The following GALNT9 variants were observed in gnomAD, a reference collection of about 807,000 sequenced individuals.
GALNT9 encodes the protein polypeptide N-acetylgalactosaminyltransferase 9.
In GALNT9, 47 loss-of-function variants were observed where a neutral mutation model predicts 63.1. The ratio of observed to expected loss-of-function variants is 0.75; its 90% confidence interval spans 0.59 to 0.95. GALNT9 has a LOEUF of 0.95. GALNT9 is among the 40% of genes least tolerant of loss of function. The pLI, the probability that GALNT9 is intolerant of heterozygous loss-of-function variation, is 0.00. For synonymous variants in GALNT9, 396 were observed against 365.7 expected (o/e 1.08, Z -0.94); for missense variants, 829 against 874.8 (o/e 0.95, Z 0.66).
At chr12:132,322,898 T>C (rs1868869329) in intron 1 of GALNT9, among the ~76,000 whole-genome samples, 1 of 152,232 alleles carries the variant, frequency 6.6e-6, no homozygotes. Context: ...GTCCGCTTGC[T>C]GAGTGGCGGG....
At chr12:132,251,224 G>T (rs887290089) in intron 5 of GALNT9, among the ~76,000 whole-genome samples, 2 of 152,112 alleles carry the variant, frequency 1.3e-5, no homozygotes, top group Non-Finnish European at 2.9e-5. Context: ...TATGAATTTC[G>T]ATCGATACAA....
chr12:132,254,298 C>T (rs1566000894), intron 5 of GALNT9, among the ~76,000 whole-genome samples: 2 of 152,346 alleles, frequency 1.3e-5, no homozygotes, highest in Middle Eastern at 3.4e-3. Flanking sequence ...GCGTAAGCCA[C>T]TGCACCCGGC....
chr12:132,223,228 C>CA (rs1877543845), intron 6 of GALNT9, among the ~76,000 whole-genome samples: 2 of 112,140 alleles, frequency 1.8e-5, no homozygotes, highest in African/African-American at 3.5e-5. Context: ...ACCCCAGACA[C>CA]CCCACACAAC....
chr12:132,286,699 A>G lies in GALNT9; in HGVS notation c.239-269T>C, dbSNP rs1880608928. Among the ~76,000 whole-genome samples the G allele has an allele frequency of 6.6e-6, 1 of 152,128 alleles. No individual in the cohort carries two copies. The highest frequency in any genetic ancestry group is 2.4e-5 in the African/African-American group (1 of 41,438). On this transcript the variant is annotated intron_variant, in intron 1 of 10. Transcript: ENST00000328957. This position sits in a 1 kb window ranked among gnomAD's most constrained non-coding sequence, Gnocchi z 7.4. ...GCAGTGGACTCTGTGTGATGCTGCAATGGTGGATATCTGTTATTATTATGT... is the reference window on the plus strand; with the variant it reads ...GCAGTGGACTCTGTGTGATGCTGCAGTGGTGGATATCTGTTATTATTATGT...
intron 1 of GALNT9, among the ~76,000 whole-genome samples, chr12:132,318,519 C>T (rs1016298275): frequency 6.6e-6 from 1 of 152,250 alleles, no homozygotes; most frequent in Non-Finnish European, 1.5e-5. Context: ...GCCTCAGGGC[C>T]TCACAGGCAG....
intron 1 of GALNT9, among the ~76,000 whole-genome samples, chr12:132,318,998 G>A (rs1566023869): frequency 6.6e-6 from 1 of 152,220 alleles, no homozygotes; most frequent in Non-Finnish European, 1.5e-5. Context: ...GCAGCTGCAC[G>A]GGTCCTTTGG....
chr12:132,259,986 T>C (rs907782486), intron 4 of GALNT9, among the ~76,000 whole-genome samples: 1 of 113,694 alleles, frequency 8.8e-6, no homozygotes, highest in Non-Finnish European at 2.2e-5. Context: ...GCGCGGGGCC[T>C]GCCTGGGTGC....
At chr12:132,269,739 G>A (rs1413120191) in intron 2 of GALNT9, among the ~76,000 whole-genome samples, 1 of 152,270 alleles carries the variant, frequency 6.6e-6, no homozygotes, top group Non-Finnish European at 1.5e-5. Context: ...TCAGACGCGT[G>A]GGGCCGGATC....
chr12:132,263,794 C>G (rs1022720612), intron 2 of GALNT9, among the ~76,000 whole-genome samples: 31 of 152,312 alleles, frequency 2.0e-4, no homozygotes, highest in Middle Eastern at 3.4e-3. Context: ...CGGCTGGGCC[C>G]GTGAAGTACT....
chr12:132,208,668 G>A (rs1876827963), intron 6 of GALNT9, among the ~76,000 whole-genome samples: 1 of 152,176 alleles, frequency 6.6e-6, no homozygotes, highest in Non-Finnish European at 1.5e-5. Context: ...CCTGGCTGCT[G>A]ACTGCCGGCA....
At position 132,196,806 on chromosome 12, in the gene GALNT9, G is replaced by A. The variant is rs573210040; in HGVS notation, c.*301C>T. On this transcript the variant is annotated 3_prime_UTR_variant, in exon 11 of 11. Transcript: ENST00000328957. ...GGGGGGCTGTGGTACATGCAGAGGCGGCGGCTGTCCCAGCAGCCTGGCCAG... is the reference window on the plus strand; with the variant it reads ...GGGGGGCTGTGGTACATGCAGAGGCAGCGGCTGTCCCAGCAGCCTGGCCAG... 26 of 1,165,804 alleles carry A rather than the reference G, an allele frequency of 2.2e-5. No homozygotes were observed. Among genetic ancestry groups the A allele is most frequent in the African/African-American group, 6.4e-5 (4 of 62,366 alleles). 72.2% of individuals were successfully genotyped at this position (1,165,804 alleles called of 1,614,324 possible).
At position 132,196,822 on chromosome 12, in the gene GALNT9, G is replaced by C. The variant is rs544857203; in HGVS notation, c.*285C>G. On this transcript the variant is annotated 3_prime_UTR_variant, in exon 11 of 11. Coordinates refer to ENST00000328957, the MANE Select transcript of GALNT9 (RefSeq NM_001122636.2). ...TGCAGAGGCGGCGGCTGTCCCAGCA[G>C]CCTGGCCAGGAGATACCGTGGAGAA... The C allele has an allele frequency of 1.7e-6, 2 of 1,208,968 alleles. No homozygotes were observed. The highest frequency in any genetic ancestry group is 3.1e-5 in the African/African-American group (2 of 63,724). The allele number at this position is 1,208,968 out of a possible 1,614,324, so 74.9% of individuals were successfully genotyped here.
At chr12:132,306,421 C>A (rs528549540) in intron 1 of GALNT9, among the ~76,000 whole-genome samples, 1 of 152,342 alleles carries the variant, frequency 6.6e-6, no homozygotes, top group Admixed American at 6.5e-5. Context: ...CGGAGCCATG[C>A]AGAGAGGCCT....
At chr12:132,251,408 G>C (rs1593085380) in intron 5 of GALNT9, among the ~76,000 whole-genome samples, 1 of 152,182 alleles carries the variant, frequency 6.6e-6, no homozygotes, top group Non-Finnish European at 1.5e-5. Context: ...CTGCGTCTTG[G>C]GGGGCTCCCG....
At chr12:132,226,112 T>C (rs1468913355) in intron 6 of GALNT9, among the ~76,000 whole-genome samples, 4 of 61,550 alleles carry the variant, frequency 6.5e-5, no homozygotes, top group South Asian at 6.2e-4. Context: ...CCTACACACA[T>C]ACATCCCACA....
intron 6 of GALNT9, among the ~76,000 whole-genome samples, chr12:132,243,365 A>C (rs2136905256): frequency 1.5e-4 from 14 of 96,540 alleles, no homozygotes; most frequent in Non-Finnish European, 2.9e-4. Flanking sequence ...CAGTGGCCTC[A>C]GTGTCCAGTC....
chr12:132,287,397 C>T (rs1423598512), intron 1 of GALNT9, among the ~76,000 whole-genome samples: 4 of 152,206 alleles, frequency 2.6e-5, no homozygotes, highest in Admixed American at 2.0e-4. Flanking sequence ...GCCATGCCGC[C>T]GCCACCATCC....
chr12:132,294,090 G>T (rs1199408846), intron 1 of GALNT9, among the ~76,000 whole-genome samples: 1 of 152,254 alleles, frequency 6.6e-6, no homozygotes, highest in Non-Finnish European at 1.5e-5. Flanking sequence ...GAATGATGTG[G>T]CTGACAGTAC....
In GALNT9 at chr12:132,196,467, C is replaced by G. The variant is rs1875513602; in HGVS notation, c.*640G>C. 2.0e-6 allele frequency: 2 copies of G among 985,434 alleles called. No individual in the cohort carries two copies. Among genetic ancestry groups the G allele is most frequent in the African/African-American group, 3.5e-5 (2 of 57,242 alleles). The allele number at this position is 985,434 out of a possible 1,614,324, so 61.0% of individuals were successfully genotyped here. ...GCCTGGGAAAGAGGTGGGACCGGGC[C>G]CCAACCCCCAGCTCGGCTCCCAGGA... is the stretch of plus-strand genomic sequence containing the variant. On this transcript the variant is annotated 3_prime_UTR_variant, in exon 11 of 11. Coordinates refer to ENST00000328957, the MANE Select transcript of GALNT9 (RefSeq NM_001122636.2).
Sources: allele counts gnomAD v4.1 joint callset (sites outside exome capture counted in the v4.1 genomes callset), GRCh38; gene constraint gnomAD v4.1.1; non-coding constraint Gnocchi (gnomAD v3.1); transcripts MANE v1.5; gene names NCBI Gene and HGNC (gene_info 2026-07-23, HGNC 2026-07-21).